The following LOC128462377 variants were observed in gnomAD, a reference collection of about 807,000 sequenced individuals.
chr16:89,380,878 G>T, the LOC128462377 span, among the ~76,000 whole-genome samples: 10 of 152,342 alleles, frequency 6.6e-5, no homozygotes, highest in Admixed American at 2.6e-4. Flanking sequence ...ACGGGGCAAT[G>T]CAGCTCAGAG....
chr16:89,343,474 C>T, the LOC128462377 span, among the ~76,000 whole-genome samples: 1 of 152,186 alleles, frequency 6.6e-6, no homozygotes. Context: ...CACAGGTATT[C>T]CTAACACATA....
the LOC128462377 span, among the ~76,000 whole-genome samples, chr16:89,367,474 C>G: frequency 6.6e-6 from 1 of 152,196 alleles, no homozygotes; most frequent in Non-Finnish European, 1.5e-5. Flanking sequence ...GCGACGCTCT[C>G]AAACAACCCG....
At chr16:89,372,869 T>C in the LOC128462377 span, 1 of 152,198 alleles carries the variant, frequency 6.6e-6, no homozygotes, top group Non-Finnish European at 1.5e-5. Context: ...CACCCGTTCA[T>C]CAGTGGTCCC....
the LOC128462377 span, among the ~76,000 whole-genome samples, chr16:89,407,668 T>TACACACAC: frequency 6.6e-6 from 1 of 150,704 alleles, no homozygotes; most frequent in African/African-American, 2.4e-5. Context: ...CAAACACACA[T>TACACACAC]ACACACACAC....
the LOC128462377 span, among the ~76,000 whole-genome samples, chr16:89,325,758 G>A: frequency 1.3e-5 from 2 of 152,196 alleles, no homozygotes; most frequent in Admixed American, 6.5e-5. Context: ...TTCAGAAGGT[G>A]ACAGAGATAA....
the LOC128462377 span, among the ~76,000 whole-genome samples, chr16:89,363,356 A>G: frequency 3.9e-5 from 6 of 152,316 alleles, no homozygotes; most frequent in Admixed American, 3.3e-4. Context: ...AGTCTGCATT[A>G]GGAGATATAC....
chr16:89,350,938 G>T, the LOC128462377 span, among the ~76,000 whole-genome samples: 1 of 152,176 alleles, frequency 6.6e-6, no homozygotes, highest in Non-Finnish European at 1.5e-5. Context: ...TCAGCAACAG[G>T]CTCTACCATG....
At chr16:89,330,675 GC>G in the LOC128462377 span, among the ~76,000 whole-genome samples, 35 of 25,846 alleles carry the variant, frequency 1.4e-3, no homozygotes, top group East Asian at 2.6e-3. Flanking sequence ...GGGGGGGGGG[GC>G]GGGGGCGGAG....
the LOC128462377 span, among the ~76,000 whole-genome samples, chr16:89,359,434 G>A: frequency 0.029 from 4,353 of 152,220 alleles, 218 homozygotes; most frequent in African/African-American, 0.1. Flanking sequence ...TCCAGCCTGC[G>A]CCAAGGAGCA....
the LOC128462377 span, among the ~76,000 whole-genome samples, chr16:89,388,698 G>A: frequency 3.3e-5 from 5 of 152,166 alleles, no homozygotes; most frequent in African/African-American, 4.8e-5. Context: ...TAGCGGACAG[G>A]ACGTCATCCA....
chr16:89,365,298 T>G, the LOC128462377 span, among the ~76,000 whole-genome samples: 1 of 152,314 alleles, frequency 6.6e-6, no homozygotes, highest in African/African-American at 2.4e-5. Flanking sequence ...AACCCTTGTG[T>G]CATCACCTCC....
chr16:89,364,720 G>C, the LOC128462377 span, among the ~76,000 whole-genome samples: 2 of 152,264 alleles, frequency 1.3e-5, no homozygotes, highest in Non-Finnish European at 2.9e-5. Flanking sequence ...AGCTGCCATG[G>C]GCCGCGGGCT....
chr16:89,407,599 T>C, the LOC128462377 span, among the ~76,000 whole-genome samples: 5 of 152,238 alleles, frequency 3.3e-5, no homozygotes, highest in African/African-American at 1.2e-4. Flanking sequence ...GGCAGGTGGA[T>C]TGCTTGAGTT....
chr16:89,361,454 T>C, the LOC128462377 span: 1 of 152,286 alleles, frequency 6.6e-6, no homozygotes, highest in South Asian at 2.1e-4. Context: ...CTTTGAAACT[T>C]AGGGTTTGTG....
the LOC128462377 span, among the ~76,000 whole-genome samples, chr16:89,325,980 G>A: frequency 7.2e-5 from 11 of 152,324 alleles, no homozygotes; most frequent in African/African-American, 2.6e-4. Context: ...AATACACACT[G>A]CAGGGCACCC....
At chr16:89,362,949 G>C in the LOC128462377 span, among the ~76,000 whole-genome samples, 1 of 151,956 alleles carries the variant, frequency 6.6e-6, no homozygotes. Flanking sequence ...ACCGGACACA[G>C]CAGTTGGTAT....
the LOC128462377 span, among the ~76,000 whole-genome samples, chr16:89,370,407 T>C: frequency 6.6e-6 from 1 of 152,120 alleles, no homozygotes; most frequent in Non-Finnish European, 1.5e-5. Context: ...GTTAGGATCC[T>C]ACAGGATCCT....
At chr16:89,379,026 G>A in the LOC128462377 span, among the ~76,000 whole-genome samples, 94 of 152,322 alleles carry the variant, frequency 6.2e-4, no homozygotes, top group African/African-American at 2.2e-3. Context: ...TAGACAAGCC[G>A]GGCTGAGGCA....
the LOC128462377 span, among the ~76,000 whole-genome samples, chr16:89,387,751 C>A: frequency 6.7e-6 from 1 of 150,076 alleles, no homozygotes; most frequent in Non-Finnish European, 1.5e-5. Flanking sequence ...GCCTGTAATC[C>A]CAACACTTTG....
Sources: allele counts gnomAD v4.1 joint callset (sites outside exome capture counted in the v4.1 genomes callset), GRCh38; gene constraint gnomAD v4.1.1; transcripts MANE v1.5.